CTNNA3: variants seen among roughly 807,000 people sequenced by gnomAD.
CTNNA3 encodes catenin alpha 3.
CTNNA3 carries 76 observed loss-of-function variants against 95.7 expected under a neutral mutation model. The ratio of observed to expected loss-of-function variants is 0.79; its 90% confidence interval spans 0.66 to 0.96. CTNNA3 has a LOEUF of 0.96. CTNNA3 is among the 40% of genes least tolerant of loss of function. The pLI, the probability that CTNNA3 is intolerant of heterozygous loss-of-function variation, is 0.00. For synonymous variants in CTNNA3, 431 were observed against 374.4 expected (o/e 1.15, Z -1.74); for missense variants, 1,191 against 1,089.8 (o/e 1.09, Z -1.31).
chr10:66,221,901 G>A (rs1440599178), intron 13 of CTNNA3, among the ~76,000 whole-genome samples: 1 of 152,156 alleles, frequency 6.6e-6, no homozygotes, highest in Admixed American at 6.5e-5. Flanking sequence ...GCAATGCTTG[G>A]AAGTAATTGA....
At chr10:66,267,213 C>T (rs980599694) in intron 13 of CTNNA3, among the ~76,000 whole-genome samples, 3 of 152,036 alleles carry the variant, frequency 2.0e-5, no homozygotes, top group Non-Finnish European at 4.4e-5. Context: ...CATGAAGACT[C>T]TTAAAAATTT....
In CTNNA3 at chr10:66,031,918, G is replaced by A. The variant is rs556697086; in HGVS notation, c.2159+37390C>T. Among the ~76,000 whole-genome samples, 48 of 152,218 alleles carry A rather than the reference G, an allele frequency of 3.2e-4. 1 individual carries two copies. The highest frequency in any genetic ancestry group is 1.1e-3 in the African/African-American group (46 of 41,532). On this transcript the variant is annotated intron_variant, in intron 15 of 17. Transcript: ENST00000433211. The stretch of plus-strand genomic sequence containing the variant: ...GATGGTTAACAAAATGGTTACTAAA[G>A]TATTATTTTTAAAGTTATAGAAGTA...
chr10:65,937,948 T>C (rs1295595760), intron 17 of CTNNA3, among the ~76,000 whole-genome samples: 1 of 152,124 alleles, frequency 6.6e-6, no homozygotes, highest in Non-Finnish European at 1.5e-5. Context: ...TCAGATGGAC[T>C]GCCCTGTCCT....
At chr10:66,718,189 G>C (rs1160175403) in intron 9 of CTNNA3, among the ~76,000 whole-genome samples, 4 of 151,678 alleles carry the variant, frequency 2.6e-5, no homozygotes, top group Admixed American at 6.6e-5. Context: ...AGAATCCTAG[G>C]AATGATTCTA....
intron 9 of CTNNA3, among the ~76,000 whole-genome samples, chr10:66,717,497 T>G (rs1193500465): frequency 6.6e-6 from 1 of 152,122 alleles, no homozygotes; most frequent in African/African-American, 2.4e-5. Context: ...CACAGCGCTT[T>G]TTGAGGCTGG....
chr10:66,756,359 A>G (rs1229838059), intron 9 of CTNNA3, among the ~76,000 whole-genome samples: 1 of 152,184 alleles, frequency 6.6e-6, no homozygotes, highest in Non-Finnish European at 1.5e-5. Flanking sequence ...TGAAAACTCA[A>G]ATCTCTTCAA....
chr10:66,931,441 C>T (rs1925574), intron 7 of CTNNA3, among the ~76,000 whole-genome samples: 127,935 of 152,176 alleles, frequency 0.84, 54,010 homozygotes, highest in East Asian at 1. Flanking sequence ...TTTCCAAGGA[C>T]GTTGACATTA....
intron 1 of CTNNA3, among the ~76,000 whole-genome samples, chr10:67,727,189 TTA>T (rs1841239544): frequency 7.8e-6 from 1 of 127,482 alleles, no homozygotes; most frequent in South Asian, 2.3e-4. Context: ...ATTATATATA[TTA>T]TGTGTATATA....
intron 10 of CTNNA3, among the ~76,000 whole-genome samples, chr10:66,557,939 A>G (rs1275552222): frequency 2.0e-5 from 3 of 152,120 alleles, no homozygotes; most frequent in Non-Finnish European, 2.9e-5. Flanking sequence ...GTCATTAGAT[A>G]TAACAGTTCA....
chr10:67,372,581 A>G (rs1843518714), intron 5 of CTNNA3, among the ~76,000 whole-genome samples: 1 of 152,190 alleles, frequency 6.6e-6, no homozygotes, highest in African/African-American at 2.4e-5. Flanking sequence ...AACTTCCCCA[A>G]CCTAGCAAGG....
At chr10:66,726,252 T>C (rs906500034) in intron 9 of CTNNA3, among the ~76,000 whole-genome samples, 5 of 151,916 alleles carry the variant, frequency 3.3e-5, no homozygotes, top group African/African-American at 1.2e-4. Context: ...AAAATCAGAG[T>C]GGCCAAAGAA....
At chr10:66,254,177 G>A (rs2090668369) in intron 13 of CTNNA3, among the ~76,000 whole-genome samples, 3 of 152,082 alleles carry the variant, frequency 2.0e-5, no homozygotes, top group South Asian at 2.1e-4. Context: ...CTTGTTCGAG[G>A]AAAATTACCT....
At chr10:67,181,096 C>T (rs1298294142) in intron 6 of CTNNA3, among the ~76,000 whole-genome samples, 2 of 152,090 alleles carry the variant, frequency 1.3e-5, no homozygotes, top group Admixed American at 6.6e-5. Flanking sequence ...GACAAGTATC[C>T]ATGTCTTTCA....
intron 9 of CTNNA3, among the ~76,000 whole-genome samples, chr10:66,694,434 C>T (rs995644480): frequency 1.3e-5 from 2 of 152,116 alleles, no homozygotes; most frequent in African/African-American, 2.4e-5. Context: ...TCTCTGAATA[C>T]ACCAATAACA....
intron 12 of CTNNA3, among the ~76,000 whole-genome samples, chr10:66,353,220 AAATAG>A (rs1373382243): frequency 4.6e-5 from 7 of 152,108 alleles, no homozygotes; most frequent in Non-Finnish European, 1.0e-4. Context: ...AAATCTATTA[AAATAG>A]AATAGATTCA....
chr10:67,588,299 T>A (rs1842694579), intron 3 of CTNNA3, among the ~76,000 whole-genome samples: 1 of 151,286 alleles, frequency 6.6e-6, no homozygotes, highest in African/African-American at 2.4e-5. Context: ...TTTACATTGA[T>A]ATCTCCACAT....
chr10:67,586,789 A>T (rs1031030633), intron 3 of CTNNA3, among the ~76,000 whole-genome samples: 1 of 152,022 alleles, frequency 6.6e-6, no homozygotes, highest in Non-Finnish European at 1.5e-5. Flanking sequence ...TTTATGTTCA[A>T]AGTTATTATT....
At chr10:67,588,671 CA>C (rs1842707489) in intron 3 of CTNNA3, among the ~76,000 whole-genome samples, 1 of 151,934 alleles carries the variant, frequency 6.6e-6, no homozygotes, top group Non-Finnish European at 1.5e-5. Flanking sequence ...GAGTAGTATA[CA>C]AAAAGTTGAG....
At chr10:66,843,656 G>A (rs1450472169) in intron 7 of CTNNA3, among the ~76,000 whole-genome samples, 1 of 152,084 alleles carries the variant, frequency 6.6e-6, no homozygotes, top group Non-Finnish European at 1.5e-5. Flanking sequence ...AAAACCAAAG[G>A]AGAAGAGAAT....
Sources: allele counts gnomAD v4.1 joint callset (sites outside exome capture counted in the v4.1 genomes callset), GRCh38; gene constraint gnomAD v4.1.1; transcripts MANE v1.5; gene names NCBI Gene and HGNC (gene_info 2026-07-23, HGNC 2026-07-21).